CDH19: variants seen among roughly 807,000 people sequenced by gnomAD.
The protein encoded by CDH19 is cadherin-19.
CDH19 carries 67 observed loss-of-function variants against 64.2 expected under a neutral mutation model. The ratio of observed to expected loss-of-function variants is 1.04; its 90% CI spans 0.86 to 1.28. CDH19 has a LOEUF of 1.28. Ranked by LOEUF, CDH19 falls within the 50% of genes most tolerant of loss-of-function variation. The pLI, the probability that CDH19 is intolerant of heterozygous loss-of-function variation, is 0.00. For synonymous variants in CDH19, 346 were observed against 319.3 expected (o/e 1.08, Z -0.89); for missense variants, 1,030 against 929.0 (o/e 1.11, Z -1.41).
intron 9 of CDH19, among the ~76,000 whole-genome samples, chr18:66,520,944 C>G (rs1985956800): frequency 6.6e-6 from 1 of 151,966 alleles, no homozygotes; most frequent in African/African-American, 2.4e-5. Context: ...TTTGAAAGAT[C>G]ACTTTTCTTT....
At chr18:66,579,450 T>A (rs535999021) in intron 1 of CDH19, among the ~76,000 whole-genome samples, 2 of 152,162 alleles carry the variant, frequency 1.3e-5, no homozygotes, top group African/African-American at 2.4e-5. Context: ...ATCTGTGGAA[T>A]AGCAGCATCT....
In CDH19 at chr18:66,503,169, T is replaced by C. The variant is rs1283742354; in HGVS notation, c.*1643A>G. On this transcript the variant is annotated 3_prime_UTR_variant, in exon 12 of 12. Transcript: ENST00000262150. ...CCTGTTCAAACCATAAATTTTGAAG[T>C]CTACCTTGATTTGGATAGAATAATA... is the stretch of plus-strand genomic sequence containing the variant. 6.6e-6 allele frequency: 1 copy of C among 151,800 alleles called. No individual in the cohort carries two copies. Among genetic ancestry groups the C allele is most frequent in the African/African-American group, 2.4e-5 (1 of 41,396 alleles). 9.4% of individuals were successfully genotyped at this position (151,800 alleles called of 1,614,324 possible). A position where few individuals can be genotyped will look rare whatever the true frequency, so the allele number is the denominator to read the frequency against.
intron 1 of CDH19, among the ~76,000 whole-genome samples, chr18:66,598,625 CTT>C: frequency 6.6e-6 from 1 of 151,990 alleles, no homozygotes; most frequent in Non-Finnish European, 1.5e-5. Flanking sequence ...AAGTGGAAAA[CTT>C]AACATTGAGT....
intron 9 of CDH19, among the ~76,000 whole-genome samples, chr18:66,515,103 A>C (rs12607912): frequency 0.28 from 42,304 of 151,448 alleles, 6,524 homozygotes; most frequent in African/African-American, 0.4. Flanking sequence ...TGCACTTAAT[A>C]AACAATAAAA....
At chr18:66,586,637 A>G (rs1169454281) in intron 1 of CDH19, among the ~76,000 whole-genome samples, 1 of 152,004 alleles carries the variant, frequency 6.6e-6, no homozygotes. Context: ...AGGAGTTAAC[A>G]TGGAGAGTTA....
chr18:66,589,454 A>C (rs1219813981), intron 1 of CDH19, among the ~76,000 whole-genome samples: 2 of 151,838 alleles, frequency 1.3e-5, no homozygotes, highest in African/African-American at 4.8e-5. Context: ...TAGTATAGTA[A>C]ATAAACCATT....
intron 1 of CDH19, among the ~76,000 whole-genome samples, chr18:66,599,354 A>C (rs1297186749): frequency 1.3e-5 from 2 of 152,096 alleles, no homozygotes; most frequent in South Asian, 4.1e-4. Flanking sequence ...AATCTAAAAC[A>C]ATGGAACTCA....
At chr18:66,578,990 A>C (rs1294641858) in intron 1 of CDH19, among the ~76,000 whole-genome samples, 1 of 151,958 alleles carries the variant, frequency 6.6e-6, no homozygotes, top group Non-Finnish European at 1.5e-5. Context: ...GGTGGGAGGA[A>C]GATCAGGAGG....
intron 5 of CDH19, among the ~76,000 whole-genome samples, chr18:66,548,054 A>G (rs1987196676): frequency 6.8e-6 from 1 of 147,258 alleles, no homozygotes; most frequent in Non-Finnish European, 1.5e-5. Flanking sequence ...TATATTATAT[A>G]TGATATATAT....
chr18:66,591,465 T>C lies in CDH19; in HGVS notation c.-113+12489A>G, dbSNP rs541448802. Among the ~76,000 whole-genome samples the C allele has an allele frequency of 1.7e-4, 26 of 151,992 alleles. 1 individual carries two copies. The highest frequency in any genetic ancestry group is 1.0e-3 in the Admixed American group (16 of 15,252). ...AAACGGGAAATATTTGCTATGATCATTTACAAATGATTTTAGGTGTATACA... is the reference window on the plus strand; with the variant it reads ...AAACGGGAAATATTTGCTATGATCACTTACAAATGATTTTAGGTGTATACA... On this transcript the variant is annotated intron_variant, in intron 1 of 11. Coordinates refer to ENST00000262150, the MANE Select transcript of CDH19 (RefSeq NM_021153.4).
At position 66,572,122 on chromosome 18, in the gene CDH19, G is replaced by C. The variant is rs144603551; in HGVS notation, c.83C>G (p.Thr28Arg). ...PCLGATENSQTKKVKQPVRSH... is the reference protein window; with the variant it reads ...PCLGATENSQRKKVKQPVRSH... Reference sequence around the variant, plus strand: ...TCGCACTGGCTGCTTGACTTTCTTTGTTTGAGAGTTTTCTGTTGCTCCAAG... The same window carrying C: ...TCGCACTGGCTGCTTGACTTTCTTTCTTTGAGAGTTTTCTGTTGCTCCAAG... Residue 28 changes from threonine (T) to arginine (R), a missense_variant, in exon 2 of 12, where the codon ACA becomes AGA. Coordinates refer to ENST00000262150, the MANE Select transcript of CDH19 (RefSeq NM_021153.4). 37 of 1,611,190 alleles carry C rather than the reference G, an allele frequency of 2.3e-5. No homozygotes were observed. The highest frequency in any genetic ancestry group is 1.2e-4 in the Admixed American group (7 of 59,708).
chr18:66,596,699 T>C (rs543462287), intron 1 of CDH19, among the ~76,000 whole-genome samples: 1 of 152,190 alleles, frequency 6.6e-6, no homozygotes, highest in South Asian at 2.1e-4. Context: ...GATTAATCAA[T>C]ATTGTTAAAA....
At chr18:66,602,123 G>A (rs886304045) in intron 1 of CDH19, among the ~76,000 whole-genome samples, 2 of 151,860 alleles carry the variant, frequency 1.3e-5, no homozygotes, top group African/African-American at 4.8e-5. Flanking sequence ...ACTTGGTTAG[G>A]AGCAATAAAT....
rs921038171 is a variant in CDH19 at position 66,505,300 on chromosome 18, A to G, written c.1831T>C (p.Phe611Leu). Residue 611 changes from phenylalanine (F) to leucine (L), a missense_variant and splice_region_variant, in exon 12 of 12, where the codon TTT (phenylalanine) becomes CTT (leucine). Phe to Leu is a conservative substitution (Grantham distance 22). Transcript: ENST00000262150. The stretch of plus-strand genomic sequence containing the variant: ...TTTAAACCCAAAGTCAAAAAAATAA[A>G]CCCTGATGAAGAAAGCACATCAGAA... ...ILICIMIIFGFIFLTLGLKQR... is the reference protein window; with the variant it reads ...ILICIMIIFGLIFLTLGLKQR... 2 of 1,546,102 alleles carry G rather than the reference A, an allele frequency of 1.3e-6. No homozygotes were observed. The highest frequency in any genetic ancestry group is 2.8e-5 in the African/African-American group (2 of 72,102).
intron 3 of CDH19, among the ~76,000 whole-genome samples, chr18:66,565,851 T>C (rs1987889649): frequency 6.6e-6 from 1 of 152,038 alleles, no homozygotes; most frequent in African/African-American, 2.4e-5. Context: ...TTACACAAAG[T>C]GCTCATTAGT....
intron 1 of CDH19, among the ~76,000 whole-genome samples, chr18:66,573,717 T>C (rs1341038978): frequency 6.6e-6 from 1 of 151,626 alleles, no homozygotes; most frequent in Non-Finnish European, 1.5e-5. Flanking sequence ...TTGGGAACTT[T>C]ATATTATGGT....
At chr18:66,536,679 T>C (rs577935629) in intron 7 of CDH19, among the ~76,000 whole-genome samples, 14 of 151,862 alleles carry the variant, frequency 9.2e-5, no homozygotes, top group African/African-American at 3.4e-4. Context: ...CTCTAGGATG[T>C]GATATAAGCA....
At chr18:66,598,830 CAGAGTT>C (rs1224743989) in intron 1 of CDH19, among the ~76,000 whole-genome samples, 3 of 151,802 alleles carry the variant, frequency 2.0e-5, no homozygotes, top group African/African-American at 7.3e-5. Flanking sequence ...CCCTGAAACT[CAGAGTT>C]AGAAAGTAAA....
chr18:66,530,100 A>G (rs979042599), intron 8 of CDH19, 134 bp from the exon 9 acceptor site: 3 of 388,156 alleles, frequency 7.7e-6, no homozygotes, highest in African/African-American at 2.1e-5. Context: ...AGGACAGGAT[A>G]TCTATATGAT....
Sources: gnomAD v4.1 joint callset for allele counts (sites outside exome capture counted in the v4.1 genomes callset) on GRCh38, gnomAD v4.1.1 for gene constraint, MANE v1.5 for transcripts, NCBI Gene and HGNC (gene_info 2026-07-23, HGNC 2026-07-21) for gene names.